CLSTN2: variants seen among roughly 807,000 people sequenced by gnomAD.
CLSTN2 encodes calsyntenin 2, also known as calsyntenin-2.
Under a neutral mutation model 101.2 loss-of-function variants are expected in CLSTN2, and 48 were observed. The observed-to-expected ratio is 0.47, with a 90% CI of 0.38 to 0.60. The LOEUF (loss-of-function observed/expected upper bound fraction) is 0.60, where lower values mean the gene tolerates loss of function less well. Among genes scored for constraint, CLSTN2 ranks in the 20% least tolerant of loss-of-function variants. The probability of loss-of-function intolerance (pLI) is 0.00; values close to 1 mark genes in which losing one functional copy is unlikely to be tolerated. For synonymous variants in CLSTN2, 481 were observed against 463.6 expected, an observed-to-expected ratio of 1.04 and a Z score of -0.48; for missense variants, 1,160 against 1,238.2, an observed-to-expected ratio of 0.94 and a Z score of 0.95.
intron 2 of CLSTN2, among the ~76,000 whole-genome samples, chr3:140,253,483 TG>T (rs1472323500): frequency 6.6e-6 from 1 of 152,224 alleles, no homozygotes; most frequent in Non-Finnish European, 1.5e-5. Flanking sequence ...TTTGTATAAT[TG>T]CTCTTTTATA....
intron 2 of CLSTN2, among the ~76,000 whole-genome samples, chr3:140,288,883 TCACC>T (rs1453014519): frequency 2.6e-5 from 4 of 152,188 alleles, no homozygotes; most frequent in African/African-American, 7.2e-5. Flanking sequence ...CTCTTTTCAC[TCACC>T]CTTCATACCC....
At chr3:139,985,799 T>C (rs771508236) in intron 1 of CLSTN2, among the ~76,000 whole-genome samples, 3 of 152,242 alleles carry the variant, frequency 2.0e-5, no homozygotes, top group Admixed American at 1.3e-4. Context: ...GAGTGAACAG[T>C]AGGGCTTCCT....
At chr3:140,415,848 G>A (rs1334620082) in intron 4 of CLSTN2, among the ~76,000 whole-genome samples, 3 of 152,162 alleles carry the variant, frequency 2.0e-5, no homozygotes, top group Non-Finnish European at 4.4e-5. Flanking sequence ...CCACTTTGGG[G>A]TATGTATCCA....
At chr3:140,049,973 T>C (rs1009774350) in intron 1 of CLSTN2, among the ~76,000 whole-genome samples, 2 of 152,224 alleles carry the variant, frequency 1.3e-5, no homozygotes, top group Admixed American at 6.5e-5. Context: ...CTCTTGCTTC[T>C]GGCTGGGTTT....
In CLSTN2 at chr3:140,367,436, C is replaced by T. The variant is rs565772489; in HGVS notation, c.233-36193C>T. 1.2e-4 allele frequency among the ~76,000 whole-genome samples: 17 copies of T among 146,876 alleles called. No individual in the cohort carries two copies. The East Asian group carries it at 3.5e-3, about 30-fold the overall frequency. ...GCTGAGGCAGGAGAATTGCTTGAAC[C>T]GGGGAGGCAGAGGTTGCAGTGAGCC... is the stretch of plus-strand genomic sequence containing the variant. On this transcript the variant is annotated intron_variant, in intron 2 of 16. Coordinates refer to ENST00000458420, the MANE Select transcript of CLSTN2 (RefSeq NM_022131.3).
In CLSTN2 at chr3:140,267,708, A is replaced by G. The variant is rs2086708085; in HGVS notation, c.232+91635A>G. On this transcript the variant is annotated intron_variant, in intron 2 of 16. Coordinates refer to ENST00000458420, the MANE Select transcript of CLSTN2 (RefSeq NM_022131.3). ...GAGACAGGGAATCTTTGAAAATACA[A>G]GGGGAAAACCTCAGTGATTTCTAGT... Among the ~76,000 whole-genome samples, 3 of 152,290 alleles carry G rather than the reference A, an allele frequency of 2.0e-5. No individual in the cohort carries two copies. In the South Asian group the frequency reaches 6.2e-4, roughly 32 times the overall value.
At chr3:140,249,594 T>C (rs1023434415) in intron 2 of CLSTN2, among the ~76,000 whole-genome samples, 1 of 152,160 alleles carries the variant, frequency 6.6e-6, no homozygotes, top group African/African-American at 2.4e-5. Flanking sequence ...CATTTTATCC[T>C]TTTTACCAAC....
intron 4 of CLSTN2, among the ~76,000 whole-genome samples, chr3:140,411,721 A>G (rs2088366074): frequency 6.6e-6 from 1 of 152,222 alleles, no homozygotes; most frequent in Admixed American, 6.5e-5. Flanking sequence ...TACTGTGCCC[A>G]GCAACCACCA....
chr3:139,943,484 T>C (rs763393757), intron 1 of CLSTN2, among the ~76,000 whole-genome samples: 15 of 152,126 alleles, frequency 9.9e-5, no homozygotes, highest in Non-Finnish European at 1.9e-4. Flanking sequence ...AAGAATAGCT[T>C]AACACTCTGG....
At chr3:140,461,146 TTGA>T (rs1357880816) in intron 7 of CLSTN2, 3 of 152,240 alleles carry the variant, frequency 2.0e-5, no homozygotes, top group Admixed American at 2.0e-4. Context: ...TCTGTTTCAA[TTGA>T]TCTTTATAAT....
At chr3:140,054,485 G>T (rs1158787831) in intron 1 of CLSTN2, among the ~76,000 whole-genome samples, 2 of 152,202 alleles carry the variant, frequency 1.3e-5, no homozygotes, top group South Asian at 4.1e-4. Context: ...AAGACCACGC[G>T]GTCAGTAAGG....
chr3:140,078,627 C>T (rs2107780047), intron 1 of CLSTN2, among the ~76,000 whole-genome samples: 2 of 152,226 alleles, frequency 1.3e-5, no homozygotes, highest in Middle Eastern at 6.8e-3. Flanking sequence ...TGGTGATCTA[C>T]CAGTGCTGTC....
chr3:140,223,720 T>C (rs72988165), intron 2 of CLSTN2, among the ~76,000 whole-genome samples: 6,359 of 152,278 alleles, frequency 0.042, 424 homozygotes, highest in African/African-American at 0.14. Context: ...AACTTCCTTT[T>C]TGGAAACCAT....
intron 9 of CLSTN2, among the ~76,000 whole-genome samples, chr3:140,543,790 G>A (rs1935532906): frequency 6.6e-6 from 1 of 152,208 alleles, no homozygotes; most frequent in South Asian, 2.1e-4. Flanking sequence ...TTTATACAGA[G>A]GTTGACAATC....
chr3:140,065,698 T>C lies in CLSTN2; in HGVS notation c.110-110253T>C, dbSNP rs2008287730. On this transcript the variant is annotated intron_variant, in intron 1 of 16. Transcript: ENST00000458420. ...CTCTAGACCAGAAGGTCAGAAGATG[T>C]GGGGATTTTAAAGGCCCACTTCCCT... Among the ~76,000 whole-genome samples, 3 of 152,150 alleles carry C rather than the reference T, an allele frequency of 2.0e-5. No individual in the cohort carries two copies. The South Asian group carries it at 6.2e-4, about 32-fold the overall frequency.
At chr3:140,251,073 G>A (rs1360509109) in intron 2 of CLSTN2, among the ~76,000 whole-genome samples, 1 of 152,170 alleles carries the variant, frequency 6.6e-6, no homozygotes, top group Admixed American at 6.5e-5. Flanking sequence ...GTGGGACATG[G>A]GAGTGAGTAG....
intron 1 of CLSTN2, among the ~76,000 whole-genome samples, chr3:140,135,582 G>A (rs1560105745): frequency 6.6e-6 from 1 of 152,166 alleles, no homozygotes; most frequent in Non-Finnish European, 1.5e-5. Context: ...AACTGAGAAC[G>A]GATATTACAG....
In CLSTN2 at chr3:140,241,542, C is replaced by T. The variant is rs138619604; in HGVS notation, c.232+65469C>T. On this transcript the variant is annotated intron_variant, in intron 2 of 16. Coordinates refer to ENST00000458420, the MANE Select transcript of CLSTN2 (RefSeq NM_022131.3). ...CTCATGTCCTGTAACTGTTCCTAGACCTCTTGCCCCTGATTCTAGTTTCCC... is the reference window on the plus strand; with the variant it reads ...CTCATGTCCTGTAACTGTTCCTAGATCTCTTGCCCCTGATTCTAGTTTCCC... Among the ~76,000 whole-genome samples, 672 of 152,224 alleles carry T rather than the reference C, an allele frequency of 4.4e-3. 3 individuals carry two copies. Among genetic ancestry groups the T allele is most frequent in the African/African-American group, 0.013 (555 of 41,538 alleles).
intron 2 of CLSTN2, among the ~76,000 whole-genome samples, chr3:140,203,657 A>G (rs1041738055): frequency 3.3e-5 from 5 of 152,004 alleles, no homozygotes; most frequent in African/African-American, 1.2e-4. Flanking sequence ...ATCATTTTGA[A>G]AGGCCTCCTG....
Sources: allele counts gnomAD v4.1 joint callset (sites outside exome capture counted in the v4.1 genomes callset), GRCh38; gene constraint gnomAD v4.1.1; transcripts MANE v1.5; gene names NCBI Gene and HGNC (gene_info 2026-07-23, HGNC 2026-07-21).